NAALADL2: variants seen among roughly 807,000 people sequenced by gnomAD.
NAALADL2 encodes N-acetylated alpha-linked acidic dipeptidase like 2.
A neutral mutation model predicts 87.2 loss-of-function variants in NAALADL2; 76 were observed. That is an observed-to-expected ratio of 0.87 (90% CI 0.72 to 1.05). The LOEUF (loss-of-function observed/expected upper bound fraction) is 1.05. Among genes scored for constraint, NAALADL2 ranks in the 50% least tolerant of loss-of-function variants. The pLI is 0.00. For synonymous variants in NAALADL2, 354 were observed against 331.0 expected, an observed-to-expected ratio of 1.07 and a Z score of -0.75; for missense variants, 1,089 against 945.8, an observed-to-expected ratio of 1.15 and a Z score of -1.99.
rs145187649 is a variant in NAALADL2, at chr3:174,717,120, A to G, written c.-114-20521A>G. ...TGAAAACCTAGACTGTTTAAGGCAG[A>G]TATCTTTAGAACTGAGATTTTACTT... On this transcript the variant is annotated intron_variant, in intron 2 of 3. Transcript: ENST00000434257. 4.5e-3 allele frequency among the ~76,000 whole-genome samples: 687 copies of G among 152,304 alleles called. 6 individuals are homozygous for G. The highest frequency in any genetic ancestry group is 0.016 in the African/African-American group (660 of 41,562).
At chr3:174,700,376 A>T (rs1729439703) in intron 2 of NAALADL2, among the ~76,000 whole-genome samples, 1 of 152,188 alleles carries the variant, frequency 6.6e-6, no homozygotes, top group Non-Finnish European at 1.5e-5. Context: ...ATATATTGAC[A>T]TCTACTCATT....
chr3:174,945,380 T>A (rs1191022905), intron 1 of NAALADL2, among the ~76,000 whole-genome samples: 1 of 152,174 alleles, frequency 6.6e-6, no homozygotes, highest in Non-Finnish European at 1.5e-5. Flanking sequence ...TTGATGCATA[T>A]TTTCTGCTCT....
At chr3:175,370,269 T>A (rs1766292492) in intron 5 of NAALADL2, among the ~76,000 whole-genome samples, 1 of 152,166 alleles carries the variant, frequency 6.6e-6, no homozygotes, top group Admixed American at 6.6e-5. Context: ...TCCACTATTC[T>A]CAACTATAAT....
At chr3:175,743,440 A>G (rs1283168674) in intron 12 of NAALADL2, among the ~76,000 whole-genome samples, 3 of 152,228 alleles carry the variant, frequency 2.0e-5, no homozygotes, top group African/African-American at 7.2e-5. Context: ...CAGGCATAGA[A>G]CAGGCAGAGT....
intron 1 of NAALADL2, among the ~76,000 whole-genome samples, chr3:174,961,658 G>A (rs931302347): frequency 4.6e-5 from 7 of 151,928 alleles, no homozygotes; most frequent in South Asian, 2.1e-4. Context: ...CATAATTAGC[G>A]GCACTACTAG....
At chr3:175,471,615 A>G (rs1405523909) in intron 8 of NAALADL2, 24 bp from the exon 9 acceptor site, 3 of 1,171,004 alleles carry the variant, frequency 2.6e-6, no homozygotes, top group African/African-American at 2.9e-5. Flanking sequence ...TTACAGATAG[A>G]TCCTTTTTTT....
intron 2 of NAALADL2, among the ~76,000 whole-genome samples, chr3:174,702,704 A>G (rs1391257183): frequency 6.6e-6 from 1 of 152,208 alleles, no homozygotes; most frequent in East Asian, 1.9e-4. Context: ...ATTGTAACAC[A>G]ATGGTAATTG....
chr3:174,478,885 T>C (rs2108325265), intron 1 of NAALADL2, among the ~76,000 whole-genome samples: 1 of 152,224 alleles, frequency 6.6e-6, no homozygotes, highest in Middle Eastern at 3.4e-3. Context: ...CTAATTTGTG[T>C]TTTAGTAGAG....
At chr3:175,638,031 G>A (rs1426855523) in intron 11 of NAALADL2, among the ~76,000 whole-genome samples, 1 of 152,130 alleles carries the variant, frequency 6.6e-6, no homozygotes, top group Non-Finnish European at 1.5e-5. Context: ...TTTAAAAAGA[G>A]CAATATGTAC....
intron 1 of NAALADL2, among the ~76,000 whole-genome samples, chr3:175,003,949 A>C (rs1426176362): frequency 1.3e-5 from 2 of 152,190 alleles, no homozygotes; most frequent in Admixed American, 6.6e-5. Flanking sequence ...AGATGACTGG[A>C]GGAAACATTT....
intron 1 of NAALADL2, among the ~76,000 whole-genome samples, chr3:174,920,044 T>C (rs1264174371): frequency 6.6e-6 from 1 of 152,194 alleles, no homozygotes; most frequent in Non-Finnish European, 1.5e-5. Context: ...TATAAACATG[T>C]ATGCTATCAT....
intron 1 of NAALADL2, among the ~76,000 whole-genome samples, chr3:175,053,161 G>A (rs1226197588): frequency 6.6e-6 from 1 of 152,186 alleles, no homozygotes; most frequent in African/African-American, 2.4e-5. Context: ...GGTAAGTACT[G>A]AGATCAGAAA....
At chr3:174,817,286 G>T (rs1720912573) in intron 3 of NAALADL2, among the ~76,000 whole-genome samples, 1 of 152,194 alleles carries the variant, frequency 6.6e-6, no homozygotes, top group African/African-American at 2.4e-5. Flanking sequence ...TTATGTGAAA[G>T]TATGATAATT....
chr3:175,062,506 G>A lies in NAALADL2; in HGVS notation c.44-34284G>A, dbSNP rs1309813493. On this transcript the variant is annotated intron_variant, in intron 1 of 13. Coordinates refer to ENST00000454872, the MANE Select transcript of NAALADL2 (RefSeq NM_207015.3). ...TGTGTGTGTGTGTGTGTGTGTGTGT[G>A]TGTGTGTGTGTGTGTGTGTTTCCAA... 2.7e-5 allele frequency among the ~76,000 whole-genome samples: 4 copies of A among 146,402 alleles called. 1 individual carries two copies. In the East Asian group the frequency reaches 5.8e-4, roughly 21 times the overall value.
In NAALADL2 at chr3:174,683,629, GGTGTGTGTGTGTGT is replaced by G. The variant is rs10522220; in HGVS notation, c.-114-53987_-114-53974del. On this transcript the variant is annotated intron_variant, in intron 2 of 3. Transcript: ENST00000434257. ...AGAGTAAGAAATTAACAGAACTTCT[GGTGTGTGTGTGTGT>G]GTGTGTGTGTGTGTGTGTGTGTGTA... is the stretch of plus-strand genomic sequence containing the variant. Among the ~76,000 whole-genome samples the G allele has an allele frequency of 7.8e-4, 114 of 147,046 alleles. 1 individual carries two copies. The East Asian group carries it at 0.016, about 20-fold the overall frequency.
At chr3:175,328,423 A>C (rs1761004465) in intron 5 of NAALADL2, among the ~76,000 whole-genome samples, 1 of 152,160 alleles carries the variant, frequency 6.6e-6, no homozygotes, top group Admixed American at 6.5e-5. Context: ...ACTGTAAAAA[A>C]AAAAAAAAGT....
chr3:174,971,147 C>G (rs1579791806), intron 1 of NAALADL2, among the ~76,000 whole-genome samples: 1 of 152,234 alleles, frequency 6.6e-6, no homozygotes, highest in Middle Eastern at 3.4e-3. Context: ...GGGGGAAAGA[C>G]TGGCCCCCAT....
intron 9 of NAALADL2, among the ~76,000 whole-genome samples, chr3:175,519,117 T>A (rs1465439552): frequency 6.6e-6 from 1 of 152,236 alleles, no homozygotes; most frequent in Non-Finnish European, 1.5e-5. Context: ...CTTCTGGGTA[T>A]AGAGCAGGGA....
At chr3:175,164,134 AT>A (rs1733636241) in intron 2 of NAALADL2, among the ~76,000 whole-genome samples, 1 of 152,152 alleles carries the variant, frequency 6.6e-6, no homozygotes, top group South Asian at 2.1e-4. Context: ...CATTTTAAAA[AT>A]GTCCATTTTT....
Sources: gnomAD v4.1 joint callset for allele counts (sites outside exome capture counted in the v4.1 genomes callset) on GRCh38, gnomAD v4.1.1 for gene constraint, MANE v1.5 for transcripts, NCBI Gene and HGNC (gene_info 2026-07-23, HGNC 2026-07-21) for gene names.